Variants in GALNT18 observed in about 807,000 individuals in gnomAD.
GALNT18 encodes polypeptide N-acetylgalactosaminyltransferase 18.
In GALNT18, 44 loss-of-function variants were observed where a neutral mutation model predicts 69.5. The observed-to-expected ratio is 0.63, with a 90% confidence interval of 0.50 to 0.81. GALNT18 has a LOEUF of 0.81. Ranked by LOEUF, GALNT18 falls within the 40% of genes least tolerant of loss-of-function variation. GALNT18 has a pLI of 0.00. For missense variants in GALNT18, 715 were observed against 810.0 expected, an observed-to-expected ratio of 0.88 and a Z score of 1.42; for synonymous variants, 364 against 318.2, an observed-to-expected ratio of 1.14 and a Z score of -1.53.
In GALNT18 at chr11:11,601,336, C is replaced by T. The variant is rs1859629220; in HGVS notation, c.235+20023G>A. On this transcript the variant is annotated intron_variant, in intron 1 of 10. Transcript: ENST00000227756. The surrounding 1 kb of genome is among the most constrained non-coding windows in gnomAD (Gnocchi z 4.0). ...CTACTTCAGTGAAGTCCTTTTCCCCCAACAGTGTGTAGTCTCTAATACTAC... is the reference window on the plus strand; with the variant it reads ...CTACTTCAGTGAAGTCCTTTTCCCCTAACAGTGTGTAGTCTCTAATACTAC... Among the ~76,000 whole-genome samples, 1 of 152,236 alleles carries T rather than the reference C, an allele frequency of 6.6e-6. No homozygotes were observed. The highest frequency in any genetic ancestry group is 6.5e-5 in the Admixed American group (1 of 15,284).
chr11:11,289,341 C>T (rs1849255835), intron 10 of GALNT18, among the ~76,000 whole-genome samples: 1 of 152,182 alleles, frequency 6.6e-6, no homozygotes, highest in Non-Finnish European at 1.5e-5. Context: ...GTAGAAGGAT[C>T]AAATATATGG....
At chr11:11,450,652 C>T (rs1386974452) in intron 1 of GALNT18, among the ~76,000 whole-genome samples, 4 of 152,214 alleles carry the variant, frequency 2.6e-5, no homozygotes, top group African/African-American at 4.8e-5. Flanking sequence ...CTCCGGGCCA[C>T]GTCCTCCAAA....
At chr11:11,431,034 G>A (rs1271632631) in intron 3 of GALNT18, among the ~76,000 whole-genome samples, 1 of 152,128 alleles carries the variant, frequency 6.6e-6, no homozygotes, top group Non-Finnish European at 1.5e-5. Context: ...AAATTTCTCA[G>A]ACTCAATATC....
chr11:11,507,154 T>C (rs1400362373), intron 1 of GALNT18, among the ~76,000 whole-genome samples: 1 of 152,246 alleles, frequency 6.6e-6, no homozygotes, highest in Admixed American at 6.5e-5. Flanking sequence ...GTTAAGTGAA[T>C]AAGGAGTGAA....
At chr11:11,368,332 A>G (rs557636263) in intron 6 of GALNT18, among the ~76,000 whole-genome samples, 4 of 152,314 alleles carry the variant, frequency 2.6e-5, no homozygotes, top group African/African-American at 9.6e-5. Flanking sequence ...GACTTCTTAA[A>G]TCTGAGGATT....
Position 11,619,400 on chromosome 11 carries a change from T to C in GALNT18, c.235+1959A>G, listed in dbSNP as rs77268596. Among the ~76,000 whole-genome samples, 32 of 152,316 alleles carry C rather than the reference T, an allele frequency of 2.1e-4. No individual in the cohort carries two copies. The highest frequency in any genetic ancestry group is 3.5e-4 in the Non-Finnish European group (24 of 68,032). On this transcript the variant is annotated intron_variant, in intron 1 of 10. Coordinates refer to ENST00000227756, the MANE Select transcript of GALNT18 (RefSeq NM_198516.3). The surrounding 1 kb of genome is among the most constrained non-coding windows in gnomAD (Gnocchi z 4.9). ...TTTCCGGGGAGAAAAATCACAATGC[T>C]TCCTTTCAACTTCAACATCATGCTT...
In GALNT18 at chr11:11,542,326, C is replaced by T. The variant is rs561379849; in HGVS notation, c.235+79033G>A. Among the ~76,000 whole-genome samples, 5 of 152,296 alleles carry T rather than the reference C, an allele frequency of 3.3e-5. No homozygotes were observed. The highest frequency in any genetic ancestry group is 2.9e-5 in the Non-Finnish European group (2 of 68,030). On this transcript the variant is annotated intron_variant, in intron 1 of 10. Transcript: ENST00000227756. The surrounding 1 kb of genome is among the most constrained non-coding windows in gnomAD (Gnocchi z 4.3). ...CCAGATAGAGCAAGCCATGGACAGA[C>T]GCCTCCATGCTACCATAGCAACCTG...
chr11:11,394,089 C>T (rs1854261936), intron 3 of GALNT18, among the ~76,000 whole-genome samples: 1 of 152,190 alleles, frequency 6.6e-6, no homozygotes, highest in African/African-American at 2.4e-5. Context: ...CTTGAATGCA[C>T]TGAAATATGT....
At chr11:11,493,267 CAAAAAAAA>C (rs142149447) in intron 1 of GALNT18, among the ~76,000 whole-genome samples, 7 of 71,340 alleles carry the variant, frequency 9.8e-5, no homozygotes, top group African/African-American at 2.7e-4. Context: ...TCCTTCATCT[CAAAAAAAA>C]AAAAAAAAAA....
intron 1 of GALNT18, among the ~76,000 whole-genome samples, chr11:11,493,433 C>T (rs1425819043): frequency 5.9e-5 from 9 of 152,156 alleles, no homozygotes; most frequent in Admixed American, 2.0e-4. Flanking sequence ...TCGTGACCAG[C>T]TCAACCTTCC....
At position 11,573,036 on chromosome 11, in the gene GALNT18, C is replaced by A. The variant is rs1160302669; in HGVS notation, c.235+48323G>T. On this transcript the variant is annotated intron_variant, in intron 1 of 10. Transcript: ENST00000227756. The surrounding 1 kb of genome is among the most constrained non-coding windows in gnomAD (Gnocchi z 4.6). ...CCATGAAGGAGGACGTTATCTTAGC[C>A]CATTTTACAGATGAGAAACCTGGGT... Among the ~76,000 whole-genome samples, 1 of 152,044 alleles carries A rather than the reference C, an allele frequency of 6.6e-6. No individual in the cohort carries two copies. Among genetic ancestry groups the A allele is most frequent in the Non-Finnish European group, 1.5e-5 (1 of 68,014 alleles).
intron 1 of GALNT18, among the ~76,000 whole-genome samples, chr11:11,468,166 G>T (rs1856191686): frequency 6.6e-6 from 1 of 152,164 alleles, no homozygotes; most frequent in African/African-American, 2.4e-5. Flanking sequence ...TTCAGATGTA[G>T]TAATATGTTA....
chr11:11,506,492 C>T (rs1224739007), intron 1 of GALNT18, among the ~76,000 whole-genome samples: 1 of 152,134 alleles, frequency 6.6e-6, no homozygotes. Context: ...TCAAGCGTTT[C>T]GTGTGCAGGG....
At position 11,619,708 on chromosome 11, in the gene GALNT18, C is replaced by A. The variant is rs546139296; in HGVS notation, c.235+1651G>T. Among the ~76,000 whole-genome samples the A allele has an allele frequency of 6.6e-6, 1 of 152,122 alleles. No individual in the cohort carries two copies. Among genetic ancestry groups the A allele is most frequent in the African/African-American group, 2.4e-5 (1 of 41,412 alleles). ...TCTCCTGGGGAACATTCTGAATCAC[C>A]CTGGGGGAAACACTGTACTTCTATT... On this transcript the variant is annotated intron_variant, in intron 1 of 10. Coordinates refer to ENST00000227756, the MANE Select transcript of GALNT18 (RefSeq NM_198516.3). This position sits in a 1 kb window ranked among gnomAD's most constrained non-coding sequence, Gnocchi z 4.9.
intron 1 of GALNT18, among the ~76,000 whole-genome samples, chr11:11,534,505 A>C (rs1169055973): frequency 6.6e-6 from 1 of 152,256 alleles, no homozygotes; most frequent in Admixed American, 6.5e-5. Context: ...AATATAACAC[A>C]GTCTTGTCCT....
chr11:11,482,812 C>T (rs948007852), intron 1 of GALNT18, among the ~76,000 whole-genome samples: 1 of 152,100 alleles, frequency 6.6e-6, no homozygotes, highest in African/African-American at 2.4e-5. Context: ...GGAAATAAAC[C>T]CTCCAAGGTC....
chr11:11,574,389 G>A (rs1418111215), intron 1 of GALNT18, among the ~76,000 whole-genome samples: 1 of 152,188 alleles, frequency 6.6e-6, no homozygotes, highest in East Asian at 1.9e-4. Flanking sequence ...GGTACCATGG[G>A]TGAACCATCT....
rs952823120 is a variant in GALNT18 at position 11,470,243 on chromosome 11, C to T, written c.236-21307G>A. Among the ~76,000 whole-genome samples the T allele has an allele frequency of 3.9e-5, 6 of 152,188 alleles. No homozygotes were observed. The highest frequency in any genetic ancestry group is 8.8e-5 in the Non-Finnish European group (6 of 68,040). The stretch of plus-strand genomic sequence containing the variant: ...AGACCCTGTACCACCAGGTTCAAGG[C>T]CAGGTCTTCAGTCCTCAGGCCCTAA... On this transcript the variant is annotated intron_variant, in intron 1 of 10. Coordinates refer to ENST00000227756, the MANE Select transcript of GALNT18 (RefSeq NM_198516.3). The surrounding 1 kb of genome is among the most constrained non-coding windows in gnomAD (Gnocchi z 4.8).
Position 11,587,323 on chromosome 11 carries a change from T to G in GALNT18, c.235+34036A>C, listed in dbSNP as rs1235188036. On this transcript the variant is annotated intron_variant, in intron 1 of 10. Transcript: ENST00000227756. This position sits in a 1 kb window ranked among gnomAD's most constrained non-coding sequence, Gnocchi z 4.4. ...CTGAAAGGGGAAGCATTCCACAGAG[T>G]TGAGCACTGGCTGGAAATGCCATGA... Among the ~76,000 whole-genome samples the G allele has an allele frequency of 6.6e-6, 1 of 152,182 alleles. No homozygotes were observed. Among genetic ancestry groups the G allele is most frequent in the Admixed American group, 6.5e-5 (1 of 15,276 alleles).
Sources: gnomAD v4.1 joint callset for allele counts (sites outside exome capture counted in the v4.1 genomes callset) on GRCh38, gnomAD v4.1.1 for gene constraint, Gnocchi (gnomAD v3.1) non-coding constraint, MANE v1.5 for transcripts, NCBI Gene and HGNC (gene_info 2026-07-23, HGNC 2026-07-21) for gene names.